Variants in PPIE observed in about 807,000 individuals in gnomAD.
PPIE encodes the protein peptidyl-prolyl cis-trans isomerase E.
In PPIE, 20 loss-of-function variants were observed where a neutral mutation model predicts 38.4. That is an observed-to-expected ratio of 0.52 (90% CI 0.37 to 0.76). The LOEUF (loss-of-function observed/expected upper bound fraction) is 0.76, where lower values mean the gene tolerates loss of function less well. Among genes scored for constraint, PPIE ranks in the 30% least tolerant of loss-of-function variants. The pLI is 0.00. For missense variants in PPIE, 322 were observed against 385.8 expected, an observed-to-expected ratio of 0.83 and a Z score of 1.39; for synonymous variants, 142 against 135.7, an observed-to-expected ratio of 1.05 and a Z score of -0.32.
rs756357784 is a variant in PPIE, at chr1:39,741,416, GTC to G, written c.174+9_174+10del. ...TGAATTTGAGTTGGCAGAGGTGAGAGTCTGTGTTACTAGTGTCTAGTCCTTGG... is the reference window on the plus strand; with the variant it reads ...TGAATTTGAGTTGGCAGAGGTGAGAGTGTGTTACTAGTGTCTAGTCCTTGG... On this transcript the variant is annotated splice_region_variant and intron_variant, in intron 3 of 9. Transcript: ENST00000324379. The G allele has an allele frequency of 3.1e-6, 5 of 1,613,666 alleles. No individual in the cohort carries two copies. The Admixed American group carries it at 8.3e-5, about 27-fold the overall frequency.
At chr1:39,760,044 G>A (rs1436544810), downstream of PPIE, 2 of 254,240 alleles carry the variant, frequency 7.9e-6, no homozygotes, top group African/African-American at 4.4e-5. Flanking sequence ...GGCTCCAGGT[G>A]CCTCTCAGGT....
chr1:39,755,948 T>G lies in PPIE; in HGVS notation c.*2593T>G, dbSNP rs1359282929. ...AGTAATGGAGTCCTGGGAGGTTTAC[T>G]AGGCTTTAGCCTCAATCTGTGGCGG... On this transcript the variant is annotated 3_prime_UTR_variant, in exon 10 of 10. Transcript: ENST00000324379. 1.0e-6 allele frequency: 1 copy of G among 985,334 alleles called. No homozygotes were observed. Among genetic ancestry groups the G allele is most frequent in the Non-Finnish European group, 1.2e-6 (1 of 829,936 alleles). The allele number at this position is 985,334 out of a possible 1,614,324, so 61.0% of individuals were successfully genotyped here.
Position 39,753,401 on chromosome 1 carries a change from C to A in PPIE, c.*46C>A. The A allele has an allele frequency of 1.2e-6, 2 of 1,600,362 alleles. No homozygotes were observed. Among genetic ancestry groups the A allele is most frequent in the South Asian group, 1.1e-5 (1 of 88,680 alleles). ...CCCCTCCGCTCTTGACCCTGCATATCCAGGAAGGAACTGCCAGCCTCAGAG... is the reference window on the plus strand; with the variant it reads ...CCCCTCCGCTCTTGACCCTGCATATACAGGAAGGAACTGCCAGCCTCAGAG... On this transcript the variant is annotated 3_prime_UTR_variant, in exon 10 of 10. Coordinates refer to ENST00000324379, the MANE Select transcript of PPIE (RefSeq NM_006112.4).
chr1:39,743,145 GTA>G, intron 4 of PPIE, 69 bp from the exon 5 acceptor site: 1 of 1,325,242 alleles, frequency 7.5e-7, no homozygotes, highest in Middle Eastern at 1.8e-4. Context: ...TGTCTCAGAA[GTA>G]TATGGAAAGC....
chr1:39,742,115 A>T (rs1647072465), intron 4 of PPIE, 194 bp downstream of exon 4: 1 of 591,966 alleles, frequency 1.7e-6, no homozygotes, highest in African/African-American at 1.9e-5. Context: ...GCCATTTCAG[A>T]ATAATGTAAG....
intron 9 of PPIE, chr1:39,762,954 G>C: frequency 9.1e-7 from 1 of 1,097,712 alleles, no homozygotes; most frequent in African/African-American, 1.6e-5. Context: ...GGAAGTTAGC[G>C]ACGTTACTGA....
chr1:39,740,531 G>A (rs969233247), intron 2 of PPIE, among the ~76,000 whole-genome samples: 2 of 152,196 alleles, frequency 1.3e-5, no homozygotes, highest in African/African-American at 2.4e-5. Flanking sequence ...AGATAGGTTT[G>A]AACTACATTG....
intron 4 of PPIE, chr1:39,742,800 T>C (rs1160835388): frequency 6.5e-6 from 1 of 153,454 alleles, no homozygotes; most frequent in Non-Finnish European, 1.5e-5. Flanking sequence ...AAATGACCTT[T>C]CCTGGTACCG....
chr1:39,739,070 A>G, intron 1 of PPIE, 139 bp downstream of exon 1: 9 of 968,914 alleles, frequency 9.3e-6, no homozygotes, highest in Non-Finnish European at 1.2e-5. Flanking sequence ...TGCTGGCGAT[A>G]GCTCTGGCTG....
At chr1:39,745,581 T>G in intron 7 of PPIE, 83 bp downstream of exon 7, 1 of 1,596,030 alleles carries the variant, frequency 6.3e-7, no homozygotes, top group Non-Finnish European at 8.6e-7. Context: ...GCTTCACTTC[T>G]TGTGTCCTTG....
At chr1:39,739,654 C>A (rs11809515) in intron 1 of PPIE, among the ~76,000 whole-genome samples, 47,245 of 151,802 alleles carry the variant, frequency 0.31, 7,741 homozygotes, top group South Asian at 0.41. Flanking sequence ...GCTACGTAAC[C>A]GAAGCAGAGG....
At chr1:39,749,404 C>T (rs1647466726) in intron 8 of PPIE, among the ~76,000 whole-genome samples, 1 of 152,152 alleles carries the variant, frequency 6.6e-6, no homozygotes, top group African/African-American at 2.4e-5. Flanking sequence ...TCAGTAAAAT[C>T]TCGGTGGTTA....
intron 1 of PPIE, 192 bp from the exon 2 acceptor site, chr1:39,739,973 A>C (rs2124283888): frequency 1.8e-6 from 1 of 540,674 alleles, no homozygotes; most frequent in East Asian, 3.2e-5. Context: ...ACTAGATGAG[A>C]GTCTGAAAGA....
Position 39,745,399 on chromosome 1 carries a change from C to G in PPIE, c.409C>G (p.Arg137Gly). The change falls in exon 7 of 10, where the codon CGC becomes GGC. Residue 137 changes from arginine (R) to glycine (G), a missense_variant. Transcript: ENST00000324379. ...GGGAGAGCCCATTGCTAAAAAGGCC[C>G]GCTCAAATCCTCAGGTGTACATGGA... ...QEGEPIAKKA[R>G]SNPQVYMDIK... The G allele has an allele frequency of 6.2e-7, 1 of 1,614,204 alleles. No homozygotes were observed. Among genetic ancestry groups the G allele is most frequent in the Non-Finnish European group, 8.5e-7 (1 of 1,180,034 alleles).
intron 8 of PPIE, 122 bp downstream of exon 8, chr1:39,749,210 C>A: frequency 9.7e-7 from 1 of 1,035,898 alleles, no homozygotes; most frequent in Non-Finnish European, 1.4e-6. Flanking sequence ...GAGACCCAGC[C>A]ACCAGACATA....
intron 8 of PPIE, among the ~76,000 whole-genome samples, chr1:39,752,662 A>T (rs1354131362): frequency 3.9e-5 from 6 of 152,260 alleles, no homozygotes; most frequent in African/African-American, 1.4e-4. Flanking sequence ...CTGGTTGTCA[A>T]GTAGACACTT....
chr1:39,754,054 C>G lies in PPIE; in HGVS notation c.*699C>G. On this transcript the variant is annotated 3_prime_UTR_variant, in exon 10 of 10. Coordinates refer to ENST00000324379, the MANE Select transcript of PPIE (RefSeq NM_006112.4). ...ATTTTTATAACTCAAAGTGCCTTCT[C>G]TGTGCCAAGTACTATGCCTATTTGT... The G allele has an allele frequency of 1.0e-6, 1 of 985,428 alleles. No individual in the cohort carries two copies. The highest frequency in any genetic ancestry group is 1.2e-6 in the Non-Finnish European group (1 of 829,888). 61.0% of individuals were successfully genotyped at this position (985,428 alleles called of 1,614,324 possible).
exon 10 of PPIE, chr1:39,763,867 G>GA (rs1557473557): frequency 6.8e-7 from 1 of 1,472,572 alleles, no homozygotes; most frequent in African/African-American, 1.5e-5. Context: ...CAGGGTGGGG[G>GA]ATGCCCTGAT....
Position 39,753,943 on chromosome 1 carries a change from C to T in PPIE, c.*588C>T, listed in dbSNP as rs564277657. 5.1e-6 allele frequency: 5 copies of T among 985,418 alleles called. No homozygotes were observed. The East Asian group carries it at 4.5e-4, about 89-fold the overall frequency. 61.0% of individuals were successfully genotyped at this position (985,418 alleles called of 1,614,324 possible). A position where few individuals can be genotyped will look rare whatever the true frequency, so the allele number is the denominator to read the frequency against. The stretch of plus-strand genomic sequence containing the variant: ...CTGCTGCCTCTGCTCCTAAACCCAG[C>T]TGCCGGCCTTACAGCCAGCAAGTGT... On this transcript the variant is annotated 3_prime_UTR_variant, in exon 10 of 10. Transcript: ENST00000324379.
Sources: gnomAD v4.1 joint callset for allele counts (sites outside exome capture counted in the v4.1 genomes callset) on GRCh38, gnomAD v4.1.1 for gene constraint, MANE v1.5 for transcripts, NCBI Gene and HGNC (gene_info 2026-07-23, HGNC 2026-07-21) for gene names.